Variants in NUMBL observed in about 807,000 individuals in gnomAD.
NUMBL encodes the protein numb-like protein.
NUMBL carries 20 observed loss-of-function variants against 48.9 expected under a neutral mutation model. The observed-to-expected ratio is 0.41, with a 90% CI of 0.29 to 0.59. The LOEUF is 0.59. NUMBL is among the 20% of genes least tolerant of loss of function. The probability of loss-of-function intolerance (pLI) is 0.31; values close to 1 mark genes in which losing one functional copy is unlikely to be tolerated. For synonymous variants in NUMBL, 340 were observed against 348.7 expected, an observed-to-expected ratio of 0.98 and a Z score of 0.28; for missense variants, 660 against 846.2, an observed-to-expected ratio of 0.78 and a Z score of 2.73.
intron 7 of NUMBL, among the ~76,000 whole-genome samples, chr19:40,675,142 CAAAAAA>C (rs71334931): frequency 1.1e-3 from 32 of 29,792 alleles, no homozygotes; most frequent in Admixed American, 1.8e-3. Flanking sequence ...GACTCTGTCT[CAAAAAA>C]AAAAAAAAAA....
At position 40,688,231 on chromosome 19, in the gene NUMBL, G is replaced by A. The variant is rs987880794; in HGVS notation, c.25-1236C>T. Among the ~76,000 whole-genome samples, 5 of 152,148 alleles carry A rather than the reference G, an allele frequency of 3.3e-5. No homozygotes were observed. The highest frequency in any genetic ancestry group is 5.9e-5 in the Non-Finnish European group (4 of 68,038). ...CTGTACCATGTCACTCCAATGCAGC[G>A]AAACATATAGCCTTTCTTCATGCAG... On this transcript the variant is annotated intron_variant, in intron 1 of 9. Transcript: ENST00000252891. The surrounding 1 kb of genome is among the most constrained non-coding windows in gnomAD (Gnocchi z 4.6).
intron 1 of NUMBL, 78 bp downstream of exon 1, chr19:40,690,382 C>T: frequency 1.1e-6 from 1 of 884,740 alleles, no homozygotes; most frequent in Non-Finnish European, 1.5e-6. Context: ...ATCCGGGCGC[C>T]GCGGCCGCCT....
At position 40,667,993 on chromosome 19, in the gene NUMBL, T is replaced by TTGCTGCTGCTGC. The variant is rs1568426047; in HGVS notation, c.1304_1305insGCAGCAGCAGCA (p.Gln443_Gln446dup). ...GTTGCTGCTGCTGCTGCTGCTGCTG[T>TTGCTGCTGCTGC]TGCTGTTGCTGCTGCTGCTGCTGCT... On this transcript the variant is annotated inframe_insertion, in exon 10 of 10. Transcript: ENST00000252891. The surrounding 1 kb of genome is among the most constrained non-coding windows in gnomAD (Gnocchi z 6.1). 1.8e-5 allele frequency: 10 copies of TTGCTGCTGCTGC among 541,434 alleles called. No homozygotes were observed. In the African/African-American group the frequency reaches 3.5e-4, roughly 19 times the overall value. 33.5% of individuals were successfully genotyped at this position (541,434 alleles called of 1,614,324 possible).
intron 3 of NUMBL, among the ~76,000 whole-genome samples, chr19:40,683,352 T>C (rs777718572): frequency 2.0e-5 from 3 of 152,206 alleles, no homozygotes; most frequent in Non-Finnish European, 4.4e-5. Flanking sequence ...TGAAGGGAGT[T>C]AGGGTACCTG....
intron 8 of NUMBL, 65 bp from the exon 9 acceptor site, chr19:40,670,085 A>G: frequency 6.5e-7 from 1 of 1,545,692 alleles, no homozygotes; most frequent in South Asian, 1.2e-5. Context: ...CCCGCCCTCT[A>G]CCCCCCGCCC....
In NUMBL at chr19:40,687,833, C is replaced by T. The variant is rs144518855; in HGVS notation, c.25-838G>A. On this transcript the variant is annotated intron_variant, in intron 1 of 9. Coordinates refer to ENST00000252891, the MANE Select transcript of NUMBL (RefSeq NM_004756.5). The surrounding 1 kb of genome is among the most constrained non-coding windows in gnomAD (Gnocchi z 4.6). ...ACTGACATCTGGTCACAGATGCACA[C>T]GGACAGACACACATTTGGTCCCACG... Among the ~76,000 whole-genome samples the T allele has an allele frequency of 3.9e-4, 60 of 152,328 alleles. No homozygotes were observed. Among genetic ancestry groups the T allele is most frequent in the African/African-American group, 1.3e-3 (53 of 41,574 alleles).
intron 9 of NUMBL, among the ~76,000 whole-genome samples, 177 bp from the exon 10 acceptor site, chr19:40,668,315 A>G (rs1267780322): frequency 1.3e-5 from 2 of 152,146 alleles, no homozygotes; most frequent in African/African-American, 4.8e-5. Flanking sequence ...TGACTTCACC[A>G]TTCTGGACCA....
chr19:40,684,411 A>G lies in NUMBL; in HGVS notation c.249+6T>C. On this transcript the variant is annotated splice_donor_region_variant and intron_variant, in intron 3 of 9. Transcript: ENST00000252891. Reference sequence around the variant, plus strand: ...CGCCCCGCCGCACCCTGCCGCGCCCACTCACCCTGACCGGGAAGCTGCACG... The same window carrying G: ...CGCCCCGCCGCACCCTGCCGCGCCCGCTCACCCTGACCGGGAAGCTGCACG... 1 of 1,557,584 alleles carries G rather than the reference A, an allele frequency of 6.4e-7. No individual in the cohort carries two copies. The highest frequency in any genetic ancestry group is 2.4e-5 in the East Asian group (1 of 41,722).
Position 40,684,549 on chromosome 19 carries a change from C to T in NUMBL, c.117G>A (p.Ala39=), listed in dbSNP as rs1302748938. 3.1e-6 allele frequency: 5 copies of T among 1,607,664 alleles called. No homozygotes were observed. Among genetic ancestry groups the T allele is most frequent in the Admixed American group, 1.7e-5 (1 of 59,622 alleles). ...PETCRTEPDG[A]GTMNKLRQSL... The stretch of plus-strand genomic sequence containing the variant: ...TCTGCCGTAACTTGTTCATGGTGCC[C>T]GCCCCGTCTGGTGACACAGGACAGT... The change falls in exon 3 of 10, where the codon GCG becomes GCA. Residue 39 remains alanine, a synonymous_variant. Coordinates refer to ENST00000252891, the MANE Select transcript of NUMBL (RefSeq NM_004756.5).
Position 40,682,631 on chromosome 19 carries a change from G to T in NUMBL, c.399+97C>A. The T allele has an allele frequency of 9.2e-7, 1 of 1,086,868 alleles. No individual in the cohort carries two copies. The highest frequency in any genetic ancestry group is 1.4e-6 in the Non-Finnish European group (1 of 732,536). The allele number at this position is 1,086,868 out of a possible 1,614,324, so 67.3% of individuals were successfully genotyped here. On this transcript the variant is annotated intron_variant, in intron 5 of 9. Coordinates refer to ENST00000252891, the MANE Select transcript of NUMBL (RefSeq NM_004756.5). This position sits in a 1 kb window ranked among gnomAD's most constrained non-coding sequence, Gnocchi z 4.0. ...GGCATCGTCTAGAAGGTCCCTGAGG[G>T]AGGGATGTGCAGAGGAGGCGGGAAG...
chr19:40,676,490 C>T (rs747197332), intron 7 of NUMBL, among the ~76,000 whole-genome samples: 1 of 152,016 alleles, frequency 6.6e-6, no homozygotes, highest in Non-Finnish European at 1.5e-5. Flanking sequence ...AGGCCAGGCG[C>T]GGTGGCTCAC....
At chr19:40,669,778 A>T (rs2081836523) in intron 9 of NUMBL, 120 bp downstream of exon 9, 1 of 1,318,918 alleles carries the variant, frequency 7.6e-7, no homozygotes, top group East Asian at 2.4e-5. Flanking sequence ...CTCTGAGGTG[A>T]TCCATGGTTC....
At chr19:40,669,860 C>T (rs1419575203) in intron 9 of NUMBL, 38 bp downstream of exon 9, 7 of 1,603,324 alleles carry the variant, frequency 4.4e-6, no homozygotes, top group Non-Finnish European at 6.0e-6. Flanking sequence ...ACAGGAGGGA[C>T]ATGCAGGGTG....
At position 40,666,139 on chromosome 19, in the gene NUMBL, G is replaced by GTTTTTTTTTTTTTTTTT. The variant is rs767929280; in HGVS notation, c.*1328_*1329insAAAAAAAAAAAAAAAAA. 7.9e-6 allele frequency: 1 copy of GTTTTTTTTTTTTTTTTT among 125,966 alleles called. No homozygotes were observed. Among genetic ancestry groups the GTTTTTTTTTTTTTTTTT allele is most frequent in the Non-Finnish European group, 1.6e-5 (1 of 60,734 alleles). 7.8% of individuals were successfully genotyped at this position (125,966 alleles called of 1,614,324 possible). A position where few individuals can be genotyped will look rare whatever the true frequency, so the allele number is the denominator to read the frequency against. On this transcript the variant is annotated 3_prime_UTR_variant, in exon 10 of 10. Transcript: ENST00000252891. ...ATTAATATTGAGCTAATTAGAAGTA[G>GTTTTTTTTTTTTTTTTT]TTTTTTTTTTTTTGTTTTTTTTTTT...
At chr19:40,675,416 C>T (rs2081870269) in intron 7 of NUMBL, among the ~76,000 whole-genome samples, 1 of 151,786 alleles carries the variant, frequency 6.6e-6, no homozygotes, top group South Asian at 2.1e-4. Context: ...TCATTAGTCT[C>T]CCTTAATCAG....
Position 40,686,870 on chromosome 19 carries a change from A to G in NUMBL, c.109+41T>C, listed in dbSNP as rs779020193. The stretch of plus-strand genomic sequence containing the variant: ...CTCTGGTCGTGTTAGGCAAGACCAC[A>G]TACCCATTCAGCCCTGCCCTGTCCC... On this transcript the variant is annotated intron_variant, in intron 2 of 9. Transcript: ENST00000252891. The G allele has an allele frequency of 8.0e-6, 10 of 1,244,528 alleles. No individual in the cohort carries two copies. In the African/African-American group the frequency reaches 1.2e-4, roughly 15 times the overall value. 77.1% of individuals were successfully genotyped at this position (1,244,528 alleles called of 1,614,324 possible). A position where few individuals can be genotyped will look rare whatever the true frequency, so the allele number is the denominator to read the frequency against.
Position 40,682,786 on chromosome 19 carries a change from A to T in NUMBL, c.341T>A (p.Val114Glu), listed in dbSNP as rs753988558. ...GGCTGACACCCACAGGACAGACTTC[A>T]CGGACTTTCGGCCCATCTGGAGGGA... ...KKLKAMGRKSVKSVLWVSADG... is the reference protein window; with the variant it reads ...KKLKAMGRKSEKSVLWVSADG... Residue 114 changes from valine (V) to glutamate (E), a missense_variant, in exon 5 of 10, where the codon GTG (valine) becomes GAG (glutamate). This residue lies in a region of NUMBL where 278 missense variants were observed against 420.6 expected (regional missense o/e 0.66). Coordinates refer to ENST00000252891, the MANE Select transcript of NUMBL (RefSeq NM_004756.5). The surrounding 1 kb of genome is among the most constrained non-coding windows in gnomAD (Gnocchi z 4.0). 1 of 1,614,128 alleles carries T rather than the reference A, an allele frequency of 6.2e-7. No homozygotes were observed. Among genetic ancestry groups the T allele is most frequent in the South Asian group, 1.1e-5 (1 of 91,082 alleles).
intron 2 of NUMBL, chr19:40,684,806 C>T: frequency 2.4e-6 from 1 of 425,336 alleles, no homozygotes; most frequent in Non-Finnish European, 4.2e-6. Context: ...GGCTAAGGGG[C>T]TGGAGGTCTG....
At chr19:40,681,285 C>G (rs1231479156) in intron 5 of NUMBL, among the ~76,000 whole-genome samples, 1 of 152,054 alleles carries the variant, frequency 6.6e-6, no homozygotes, top group East Asian at 1.9e-4. Context: ...GAAGGAGGCC[C>G]AGGCAGAGGG....
Sources: allele counts gnomAD v4.1 joint callset (sites outside exome capture counted in the v4.1 genomes callset), GRCh38; gene constraint gnomAD v4.1.1; regional missense constraint gnomAD v4.1.1; non-coding constraint Gnocchi (gnomAD v3.1); transcripts MANE v1.5; gene names NCBI Gene and HGNC (gene_info 2026-07-23, HGNC 2026-07-21).